The following MAP3K7 variants were observed in gnomAD, a reference collection of about 807,000 sequenced individuals.
The protein encoded by MAP3K7 is mitogen-activated protein kinase kinase kinase 7, also known as TGF-beta activated kinase 1.
A neutral mutation model predicts 84.8 loss-of-function variants in MAP3K7; 21 were observed. The observed-to-expected ratio is 0.25, with a 90% CI of 0.18 to 0.36. The LOEUF is 0.36. Ranked by LOEUF, MAP3K7 falls within the 10% of genes least tolerant of loss-of-function variation. MAP3K7 has a pLI of 1.00. For missense variants in MAP3K7, 503 were observed against 747.7 expected, an observed-to-expected ratio of 0.67 and a Z score of 3.82; for synonymous variants, 241 against 247.7, an observed-to-expected ratio of 0.97 and a Z score of 0.25.
At chr6:90,533,466 G>C (rs1775571780) in intron 13 of MAP3K7, among the ~76,000 whole-genome samples, 1 of 152,024 alleles carries the variant, frequency 6.6e-6, no homozygotes, top group African/African-American at 2.4e-5. Flanking sequence ...AAACTCAAAG[G>C]AAGGAGGGGT....
chr6:90,520,347 A>C (rs1775108255), intron 14 of MAP3K7, among the ~76,000 whole-genome samples: 1 of 151,898 alleles, frequency 6.6e-6, no homozygotes, highest in South Asian at 2.1e-4. Context: ...GTAATCTTCT[A>C]ATTTATTGTC....
chr6:90,576,263 A>T (rs1777072114), intron 1 of MAP3K7, among the ~76,000 whole-genome samples: 1 of 151,978 alleles, frequency 6.6e-6, no homozygotes, highest in Non-Finnish European at 1.5e-5. Flanking sequence ...CTCTACTAAA[A>T]ATACAAAAAA....
chr6:90,576,348 G>C (rs1484579307), intron 1 of MAP3K7, among the ~76,000 whole-genome samples: 2 of 151,742 alleles, frequency 1.3e-5, no homozygotes, highest in Admixed American at 6.6e-5. Flanking sequence ...GCGTGAACCT[G>C]AGAGGCCGAG....
intron 7 of MAP3K7, 107 bp downstream of exon 7, chr6:90,553,351 C>T (rs1776239521): frequency 1.8e-6 from 2 of 1,121,458 alleles, no homozygotes; most frequent in East Asian, 2.4e-5. Flanking sequence ...AAGAATTGTA[C>T]ATTTTAATGT....
intron 12 of MAP3K7, chr6:90,536,687 C>A (rs1392570494): frequency 1.3e-5 from 4 of 301,782 alleles, no homozygotes; most frequent in Admixed American, 4.5e-5. Context: ...GCTGAACTCT[C>A]TTCCACCATC....
At chr6:90,567,620 T>C (rs1776753884) in intron 3 of MAP3K7, among the ~76,000 whole-genome samples, 1 of 152,218 alleles carries the variant, frequency 6.6e-6, no homozygotes, top group African/African-American at 2.4e-5. Context: ...TTGGTGGGAC[T>C]GTAAACTAGT....
rs1208106517 is a variant in MAP3K7 at position 90,528,167 on chromosome 6, C to T, written c.1357-4384G>A. On this transcript the variant is annotated intron_variant, in intron 13 of 16. Transcript: ENST00000369329. ...TGCTGGGATTACAGGCGTGAGCCAC[C>T]GCGCCCGGCCTCATAAGGACTTTTT... is the stretch of plus-strand genomic sequence containing the variant. Among the ~76,000 whole-genome samples the T allele has an allele frequency of 1.5e-4, 2 of 13,726 alleles. 1 individual carries two copies. The highest frequency in any genetic ancestry group is 3.4e-4 in the Non-Finnish European group (2 of 5,810). The allele number at this position is 13,726 out of a possible 152,430, so 9.0% of individuals were successfully genotyped here.
chr6:90,539,099 G>A (rs995621747), intron 12 of MAP3K7, among the ~76,000 whole-genome samples: 9 of 151,800 alleles, frequency 5.9e-5, no homozygotes, highest in African/African-American at 2.2e-4. Context: ...ACTGCTTCAT[G>A]GTAAACTGAA....
intron 1 of MAP3K7, among the ~76,000 whole-genome samples, chr6:90,572,250 G>T (rs1404314654): frequency 1.3e-5 from 2 of 151,994 alleles, no homozygotes; most frequent in African/African-American, 4.8e-5. Context: ...ATTCAACAGG[G>T]ATAGGGAATG....
chr6:90,586,737 G>A, intron 1 of MAP3K7, 27 bp downstream of exon 1: 1 of 1,558,006 alleles, frequency 6.4e-7, no homozygotes, highest in Admixed American at 1.9e-5. Context: ...GGCCGGGACC[G>A]GCGTCTCCAT....
intron 12 of MAP3K7, chr6:90,542,111 A>C (rs1161255089): frequency 2.6e-6 from 1 of 392,096 alleles, no homozygotes; most frequent in Non-Finnish European, 3.5e-6. Context: ...ATCCACTTAG[A>C]ACAAAACAAT....
At chr6:90,558,246 C>G (rs997687197) in intron 5 of MAP3K7, among the ~76,000 whole-genome samples, 134 of 152,064 alleles carry the variant, frequency 8.8e-4, no homozygotes, top group African/African-American at 3.0e-3. Flanking sequence ...TGCTTGAACC[C>G]GGGAGGTGGA....
chr6:90,513,828 G>A lies in MAP3K7; in HGVS notation c.*2673C>T, dbSNP rs887040287. 2 of 152,010 alleles carry A rather than the reference G, an allele frequency of 1.3e-5. No individual in the cohort carries two copies. The highest frequency in any genetic ancestry group is 1.3e-4 in the Admixed American group (2 of 15,228). 9.4% of individuals were successfully genotyped at this position (152,010 alleles called of 1,614,324 possible). A position where few individuals can be genotyped will look rare whatever the true frequency, so the allele number is the denominator to read the frequency against. On this transcript the variant is annotated 3_prime_UTR_variant, in exon 17 of 17. Coordinates refer to ENST00000369329, the MANE Select transcript of MAP3K7 (RefSeq NM_145331.3). ...TCTCTGGCTACAGGAGCTGAAATTA[G>A]GAACATGAAAGAAACTTGAAGAGAG...
chr6:90,552,584 G>GA (rs1165772879), intron 7 of MAP3K7, among the ~76,000 whole-genome samples: 1 of 152,124 alleles, frequency 6.6e-6, no homozygotes, highest in East Asian at 1.9e-4. Flanking sequence ...TAGACTTGTG[G>GA]AATAATGTAA....
intron 14 of MAP3K7, among the ~76,000 whole-genome samples, chr6:90,522,767 A>G (rs1360579227): frequency 6.6e-6 from 1 of 152,196 alleles, no homozygotes; most frequent in African/African-American, 2.4e-5. Context: ...AAACCACATC[A>G]GATAACTATA....
chr6:90,538,433 G>C (rs1034425697), intron 12 of MAP3K7, among the ~76,000 whole-genome samples: 1 of 151,730 alleles, frequency 6.6e-6, no homozygotes, highest in East Asian at 1.9e-4. Flanking sequence ...TATTATACAT[G>C]GTAGTGTAAA....
At chr6:90,558,346 A>T (rs1278357903) in intron 5 of MAP3K7, among the ~76,000 whole-genome samples, 1 of 151,740 alleles carries the variant, frequency 6.6e-6, no homozygotes, top group Non-Finnish European at 1.5e-5. Flanking sequence ...TAATAATAAT[A>T]AAAATAATTA....
rs1356157105 is a variant in MAP3K7 at position 90,536,365 on chromosome 6, A to C, written c.1328T>G (p.Leu443Trp). ...GQPRRRSIQD[L>W]TVTGTEPGQV... ...ACCAGGTTCTGTTCCAGTTACAGTC[A>C]AGTCTTGGATGGATCTACGTCTTGG... Residue 443 changes from leucine to tryptophan, a missense_variant, in exon 13 of 17, where the codon TTG becomes TGG. Transcript: ENST00000369329. 6.2e-7 allele frequency: 1 copy of C among 1,612,530 alleles called. No homozygotes were observed. Among genetic ancestry groups the C allele is most frequent in the East Asian group, 2.2e-5 (1 of 44,842 alleles).
chr6:90,578,111 G>A (rs1777146925), intron 1 of MAP3K7, among the ~76,000 whole-genome samples: 1 of 152,160 alleles, frequency 6.6e-6, no homozygotes, highest in Non-Finnish European at 1.5e-5. Flanking sequence ...AGTATTACAT[G>A]GAAATTATCC....
Sources: allele counts gnomAD v4.1 joint callset (sites outside exome capture counted in the v4.1 genomes callset), GRCh38; gene constraint gnomAD v4.1.1; transcripts MANE v1.5; gene names NCBI Gene and HGNC (gene_info 2026-07-23, HGNC 2026-07-21).